CMIP: variants seen among roughly 807,000 people sequenced by gnomAD.
CMIP encodes C-Maf-inducing protein.
Under a neutral mutation model 97.3 loss-of-function variants are expected in CMIP, and 13 were observed. That is an observed-to-expected ratio of 0.13 (90% CI 0.09 to 0.21). The LOEUF (loss-of-function observed/expected upper bound fraction) is 0.21, where lower values mean the gene tolerates loss of function less well. CMIP is among the 10% of genes least tolerant of loss of function. The pLI, the probability that CMIP is intolerant of heterozygous loss-of-function variation, is 1.00. For missense variants in CMIP, 847 were observed against 1,024.9 expected, an observed-to-expected ratio of 0.83 and a Z score of 2.37; for synonymous variants, 538 against 436.3, an observed-to-expected ratio of 1.23 and a Z score of -2.91.
At chr16:81,680,236 G>A (rs570509205) in intron 10 of CMIP, among the ~76,000 whole-genome samples, 8 of 152,308 alleles carry the variant, frequency 5.3e-5, no homozygotes, top group African/African-American at 7.2e-5. Context: ...GTCGTCACGC[G>A]CTGGGCAGCG....
intron 1 of CMIP, among the ~76,000 whole-genome samples, chr16:81,569,960 CA>C (rs2091054703): frequency 6.6e-6 from 1 of 152,144 alleles, no homozygotes; most frequent in Non-Finnish European, 1.5e-5. Context: ...TTCATTCATT[CA>C]TTCATTCATT....
At chr16:81,640,985 T>C (rs1475564606) in intron 3 of CMIP, among the ~76,000 whole-genome samples, 1 of 152,120 alleles carries the variant, frequency 6.6e-6, no homozygotes, top group Non-Finnish European at 1.5e-5. Context: ...GGGCAAGGTG[T>C]GAGCCCCTCC....
intron 1 of CMIP, among the ~76,000 whole-genome samples, chr16:81,560,806 A>G (rs980251981): frequency 1.3e-5 from 2 of 152,246 alleles, no homozygotes; most frequent in Non-Finnish European, 2.9e-5. Flanking sequence ...ATTCAGGACA[A>G]TAACATTCTG....
chr16:81,510,295 G>A (rs1014309162), intron 1 of CMIP, among the ~76,000 whole-genome samples: 5 of 152,252 alleles, frequency 3.3e-5, no homozygotes, highest in South Asian at 2.1e-4. Flanking sequence ...GGTGTGAGTC[G>A]CCCAAGTGGG....
intron 3 of CMIP, among the ~76,000 whole-genome samples, chr16:81,649,792 G>T (rs1226584975): frequency 6.8e-6 from 1 of 146,662 alleles, no homozygotes; most frequent in Non-Finnish European, 1.5e-5. Context: ...TTTGCTTTGG[G>T]GCTTGATATA....
intron 1 of CMIP, among the ~76,000 whole-genome samples, chr16:81,531,727 T>G (rs1308964494): frequency 1.3e-5 from 2 of 152,206 alleles, no homozygotes; most frequent in Non-Finnish European, 2.9e-5. Context: ...TTAACTGCTT[T>G]CAAGAGGTCA....
chr16:81,529,307 A>G (rs1000051049), intron 1 of CMIP, among the ~76,000 whole-genome samples: 10 of 152,046 alleles, frequency 6.6e-5, no homozygotes, highest in Non-Finnish European at 1.0e-4. Flanking sequence ...GGTTTCTCAG[A>G]TGGTACATGA....
intron 1 of CMIP, among the ~76,000 whole-genome samples, chr16:81,565,221 G>A (rs1476623563): frequency 6.6e-6 from 1 of 152,138 alleles, no homozygotes; most frequent in Admixed American, 6.5e-5. Context: ...CAAGATCTGG[G>A]CCCAGATGGA....
rs901091454 is a variant in CMIP at position 81,579,238 on chromosome 16, G to A, written c.301-28329G>A. On this transcript the variant is annotated intron_variant, in intron 1 of 20. Coordinates refer to ENST00000537098, the MANE Select transcript of CMIP (RefSeq NM_198390.3). Reference sequence around the variant, plus strand: ...GAAGATGAAGGTGAAGGGTGGTGGCGGTCCTTGCAAGACAGAGGCCAGCAG... The same window carrying A: ...GAAGATGAAGGTGAAGGGTGGTGGCAGTCCTTGCAAGACAGAGGCCAGCAG... 4.6e-5 allele frequency among the ~76,000 whole-genome samples: 7 copies of A among 152,254 alleles called. No individual in the cohort carries two copies. The South Asian group carries it at 1.0e-3, about 23-fold the overall frequency.
At position 81,705,101 on chromosome 16, in the gene CMIP, C is replaced by T. The variant is rs1907981212; in HGVS notation, c.2092-398C>T. Reference sequence around the variant, plus strand: ...TGTGAAGTGCAGGTTCTACCCTCACCCTAATTTTCCAGAGGAGAAACTGGG... The same window carrying T: ...TGTGAAGTGCAGGTTCTACCCTCACTCTAATTTTCCAGAGGAGAAACTGGG... On this transcript the variant is annotated intron_variant, in intron 18 of 20. Transcript: ENST00000537098. Among the ~76,000 whole-genome samples the T allele has an allele frequency of 2.6e-5, 4 of 152,262 alleles. No individual in the cohort carries two copies. The South Asian group carries it at 8.3e-4, about 32-fold the overall frequency.
chr16:81,458,889 A>C (rs1227427286), intron 1 of CMIP, among the ~76,000 whole-genome samples: 1 of 152,194 alleles, frequency 6.6e-6, no homozygotes. Flanking sequence ...CATGGAAAGT[A>C]CTTAGTAGAG....
chr16:81,572,111 T>C (rs1597102430), intron 1 of CMIP, among the ~76,000 whole-genome samples: 2 of 152,192 alleles, frequency 1.3e-5, no homozygotes, highest in Non-Finnish European at 2.9e-5. Context: ...TTCCCTCCTG[T>C]CTCCCGGGGG....
chr16:81,582,785 A>G (rs1399221665), intron 1 of CMIP, among the ~76,000 whole-genome samples: 1 of 152,226 alleles, frequency 6.6e-6, no homozygotes, highest in African/African-American at 2.4e-5. Context: ...ATGAAGCAAG[A>G]GGGAACGCTT....
chr16:81,532,590 C>T (rs1375533089), intron 1 of CMIP, among the ~76,000 whole-genome samples: 8 of 152,050 alleles, frequency 5.3e-5, no homozygotes, highest in African/African-American at 4.8e-5. Context: ...GCAGCTGAGT[C>T]GGGAGAACCT....
In CMIP at chr16:81,492,209, G is replaced by T. The variant is rs2089416973; in HGVS notation, c.300+46668G>T. 2.6e-5 allele frequency among the ~76,000 whole-genome samples: 4 copies of T among 152,340 alleles called. No individual in the cohort carries two copies. In the South Asian group the frequency reaches 8.3e-4, roughly 32 times the overall value. On this transcript the variant is annotated intron_variant, in intron 1 of 20. Coordinates refer to ENST00000537098, the MANE Select transcript of CMIP (RefSeq NM_198390.3). Reference sequence around the variant, plus strand: ...CTCTCTTGCTTTCCCGCAGAGTGGAGCCCATCTGTAATGCCATCCACAGGG... The same window carrying T: ...CTCTCTTGCTTTCCCGCAGAGTGGATCCCATCTGTAATGCCATCCACAGGG...
chr16:81,590,823 T>TCATC (rs79228744), intron 1 of CMIP, among the ~76,000 whole-genome samples: 27,769 of 150,548 alleles, frequency 0.18, 2,697 homozygotes, highest in East Asian at 0.32. Flanking sequence ...TCACTTTCTC[T>TCATC]CATCCATCCA....
At chr16:81,500,826 C>T (rs945748851) in intron 1 of CMIP, among the ~76,000 whole-genome samples, 3 of 152,058 alleles carry the variant, frequency 2.0e-5, no homozygotes, top group African/African-American at 4.8e-5. Flanking sequence ...TCTGTCCTTC[C>T]CTTCCTCCCT....
chr16:81,560,102 G>A (rs1382454635), intron 1 of CMIP, among the ~76,000 whole-genome samples: 1 of 149,792 alleles, frequency 6.7e-6, no homozygotes, highest in Non-Finnish European at 1.5e-5. Flanking sequence ...GGCCCTGTCT[G>A]CGTCACTGCA....
At chr16:81,654,664 G>GT (rs1268695547) in intron 4 of CMIP, among the ~76,000 whole-genome samples, 1 of 152,168 alleles carries the variant, frequency 6.6e-6, no homozygotes, top group Non-Finnish European at 1.5e-5. Context: ...GACCTCCCCA[G>GT]TTTCTCCCAA....
Sources: gnomAD v4.1 joint callset for allele counts (sites outside exome capture counted in the v4.1 genomes callset) on GRCh38, gnomAD v4.1.1 for gene constraint, MANE v1.5 for transcripts, NCBI Gene and HGNC (gene_info 2026-07-23, HGNC 2026-07-21) for gene names.